Variants in NR2F6 observed in about 807,000 individuals in gnomAD.
NR2F6 encodes the protein ERBA-related gene-2.
In NR2F6, 16 loss-of-function variants were observed where a neutral mutation model predicts 26.5. That is an observed-to-expected ratio of 0.60 (90% CI 0.41 to 0.92). NR2F6 has a LOEUF of 0.92. Among genes scored for constraint, NR2F6 ranks in the 40% least tolerant of loss-of-function variants. The pLI is 0.00. For synonymous variants in NR2F6, 325 were observed against 305.0 expected (o/e 1.07, Z -0.68); for missense variants, 536 against 631.7 (o/e 0.85, Z 1.62).
chr19:17,235,630 A>G lies in NR2F6; in HGVS notation c.809T>C (p.Met270Thr). ...GAAAGCCACGGCGCGCTCGGCGGCC[A>G]TAGGCGCGGCGTGGAGGCCGGCGGC... ...LAAAGLHAAP[M>T]AAERAVAFMD... The change falls in exon 3 of 4, where the codon ATG becomes ACG. Residue 270 changes from methionine to threonine, a missense_variant. By Grantham distance (81) the Met-to-Thr change is moderately conservative (BLOSUM62 -1). Transcript: ENST00000291442. This position sits in a 1 kb window ranked among gnomAD's most constrained non-coding sequence, Gnocchi z 5.0. 6.5e-7 allele frequency: 1 copy of G among 1,544,596 alleles called. No homozygotes were observed.
At chr19:17,237,538 A>T (rs879452514) in intron 2 of NR2F6, among the ~76,000 whole-genome samples, 1 of 151,944 alleles carries the variant, frequency 6.6e-6, no homozygotes, top group Non-Finnish European at 1.5e-5. Flanking sequence ...CAGCCTCCCG[A>T]GTAGCTGGGA....
chr19:17,235,679 G>A lies in NR2F6; in HGVS notation c.760C>T (p.Leu254=). Residue 254 remains leucine (L), a synonymous_variant, in exon 3 of 4, where the codon CTG becomes TTG. Coordinates refer to ENST00000291442, the MANE Select transcript of NR2F6 (RefSeq NM_005234.4). The surrounding 1 kb of genome is among the most constrained non-coding windows in gnomAD (Gnocchi z 5.0). ...GCGGCCAGTAGCGGCGCCGTGTGCAGGGGCAGCGCCGCCTGCGCCGCGTTC... is the reference window on the plus strand; with the variant it reads ...GCGGCCAGTAGCGGCGCCGTGTGCAAGGGCAGCGCCGCCTGCGCCGCGTTC... ...VLNAAQAALP[L]HTAPLLAAAG... 6.7e-7 allele frequency: 1 copy of A among 1,490,460 alleles called. No individual in the cohort carries two copies. Among genetic ancestry groups the A allele is most frequent in the East Asian group, 2.7e-5 (1 of 37,204 alleles). 92.3% of individuals were successfully genotyped at this position (1,490,460 alleles called of 1,614,324 possible). A position where few individuals can be genotyped will look rare whatever the true frequency, so the allele number is the denominator to read the frequency against.
In NR2F6 at chr19:17,245,285, C is replaced by T. The variant is rs2073492347; in HGVS notation, c.-65G>A. 3.2e-5 allele frequency: 38 copies of T among 1,184,424 alleles called. No homozygotes were observed. The highest frequency in any genetic ancestry group is 3.8e-5 in the Non-Finnish European group (36 of 956,338). 73.4% of individuals were successfully genotyped at this position (1,184,424 alleles called of 1,614,324 possible). ...CTTCCCTCCGGGCACCCCTCTCGGC[C>T]CGGGGGACCCTACGCGGCGCGCATT... On this transcript the variant is annotated 5_prime_UTR_variant, in exon 1 of 4. Transcript: ENST00000291442. The surrounding 1 kb of genome is among the most constrained non-coding windows in gnomAD (Gnocchi z 5.0).
At chr19:17,233,775 G>T (rs949513839) in intron 3 of NR2F6, among the ~76,000 whole-genome samples, 1 of 151,902 alleles carries the variant, frequency 6.6e-6, no homozygotes, top group African/African-American at 2.4e-5. Context: ...GGATTACAGG[G>T]CCACCAGCCA....
At chr19:17,237,652 T>C (rs2073447035) in intron 2 of NR2F6, among the ~76,000 whole-genome samples, 1 of 152,064 alleles carries the variant, frequency 6.6e-6, no homozygotes, top group Admixed American at 6.6e-5. Flanking sequence ...CCTCGTGATC[T>C]GCCCACCTCG....
In NR2F6 at chr19:17,235,587, G is replaced by T; in HGVS notation, c.852C>A (p.Ala284=). ...CCAGCTTGTCCACCTGCTCCTGGAA[G>T]GCGCGCACCTGGTCCATGAAAGCCA... ...RAVAFMDQVR[A]FQEQVDKLGR... The change falls in exon 3 of 4, where the codon GCC becomes GCA. Residue 284 remains alanine (A), a synonymous_variant. Coordinates refer to ENST00000291442, the MANE Select transcript of NR2F6 (RefSeq NM_005234.4). The surrounding 1 kb of genome is among the most constrained non-coding windows in gnomAD (Gnocchi z 5.0). 1 of 1,587,996 alleles carries T rather than the reference G, an allele frequency of 6.3e-7. No individual in the cohort carries two copies. The highest frequency in any genetic ancestry group is 8.5e-7 in the Non-Finnish European group (1 of 1,174,836).
At chr19:17,233,203 GCTC>G (rs1348319460) in intron 3 of NR2F6, among the ~76,000 whole-genome samples, 12 of 152,056 alleles carry the variant, frequency 7.9e-5, no homozygotes, top group African/African-American at 2.7e-4. Flanking sequence ...TGTAGTCCCA[GCTC>G]CTCAAGAGGC....
intron 3 of NR2F6, 148 bp from the exon 4 acceptor site, chr19:17,232,774 A>C: frequency 1.1e-6 from 1 of 934,160 alleles, no homozygotes; most frequent in Non-Finnish European, 1.5e-6. Context: ...GCACTTTGGG[A>C]GGCCAAGGCA....
chr19:17,235,438 C>T lies in NR2F6; in HGVS notation c.940+61G>A. On this transcript the variant is annotated intron_variant, in intron 3 of 3. Coordinates refer to ENST00000291442, the MANE Select transcript of NR2F6 (RefSeq NM_005234.4). This position sits in a 1 kb window ranked among gnomAD's most constrained non-coding sequence, Gnocchi z 5.0. Reference sequence around the variant, plus strand: ...GGGGCCGGAGTCTGGGTCCAGGCCGCCCTCCTCCTAACCTCCCTTGGGTCC... The same window carrying T: ...GGGGCCGGAGTCTGGGTCCAGGCCGTCCTCCTCCTAACCTCCCTTGGGTCC... 2.0e-6 allele frequency: 3 copies of T among 1,527,822 alleles called. No homozygotes were observed. The highest frequency in any genetic ancestry group is 2.6e-6 in the Non-Finnish European group (3 of 1,143,634). The allele number at this position is 1,527,822 out of a possible 1,614,324, so 94.6% of individuals were successfully genotyped here.
chr19:17,244,452 C>T (rs1260342387), intron 1 of NR2F6: 1 of 154,152 alleles, frequency 6.5e-6, no homozygotes, highest in Admixed American at 6.6e-5. Flanking sequence ...GCCACAGCGA[C>T]TTTGGAAGTG....
chr19:17,232,053 A>C lies in NR2F6; in HGVS notation c.*299T>G. The stretch of plus-strand genomic sequence containing the variant: ...CCATCATGCCAGGGAAGCCAACCCC[A>C]CCATCCCACAAGTTCATGCTAGGGG... On this transcript the variant is annotated 3_prime_UTR_variant, in exon 4 of 4. Transcript: ENST00000291442. 1 of 393,176 alleles carries C rather than the reference A, an allele frequency of 2.5e-6. No individual in the cohort carries two copies. The highest frequency in any genetic ancestry group is 5.4e-5 in the East Asian group (1 of 18,610). The allele number at this position is 393,176 out of a possible 1,614,324, so 24.4% of individuals were successfully genotyped here.
In NR2F6 at chr19:17,241,447, C is replaced by T. The variant is rs1349842602; in HGVS notation, c.279-682G>A. Among the ~76,000 whole-genome samples the T allele has an allele frequency of 3.9e-5, 6 of 152,236 alleles. No individual in the cohort carries two copies. The South Asian group carries it at 1.0e-3, about 26-fold the overall frequency. On this transcript the variant is annotated intron_variant, in intron 1 of 3. Transcript: ENST00000291442. ...TTCCTGGTCAGCCCTCAGTGAATGC[C>T]GTTGCCTCTTGCAGGGATGAGACAG...
intron 2 of NR2F6, among the ~76,000 whole-genome samples, chr19:17,238,979 T>C (rs1031965150): frequency 2.6e-5 from 4 of 152,020 alleles, no homozygotes; most frequent in African/African-American, 7.3e-5. Context: ...GGCGAGCGGA[T>C]CACCTGGGGT....
In NR2F6 at chr19:17,245,602, G is replaced by A. The variant is rs1191308250; in HGVS notation, c.-382C>T. 6.8e-6 allele frequency: 1 copy of A among 146,640 alleles called. No homozygotes were observed. Among genetic ancestry groups the A allele is most frequent in the Non-Finnish European group, 1.5e-5 (1 of 65,824 alleles). 9.1% of individuals were successfully genotyped at this position (146,640 alleles called of 1,614,324 possible). ...TGGCCTGGCCGCCGCTCGCCCGGGG[G>A]CTGCGGCCAACTCAGCGGGCCGCCA... On this transcript the variant is annotated 5_prime_UTR_variant, in exon 1 of 4. Transcript: ENST00000291442. The surrounding 1 kb of genome is among the most constrained non-coding windows in gnomAD (Gnocchi z 5.0).
At chr19:17,234,126 G>A (rs1251211901) in intron 3 of NR2F6, among the ~76,000 whole-genome samples, 3 of 151,866 alleles carry the variant, frequency 2.0e-5, no homozygotes, top group African/African-American at 4.8e-5. Flanking sequence ...AGGAGGCTGA[G>A]GCAGGAGAAT....
In NR2F6 at chr19:17,245,292, A is replaced by C; in HGVS notation, c.-72T>G. The C allele has an allele frequency of 8.6e-7, 1 of 1,166,890 alleles. No individual in the cohort carries two copies. Among genetic ancestry groups the C allele is most frequent in the Non-Finnish European group, 1.1e-6 (1 of 943,750 alleles). 72.3% of individuals were successfully genotyped at this position (1,166,890 alleles called of 1,614,324 possible). The stretch of plus-strand genomic sequence containing the variant: ...CCGGGCACCCCTCTCGGCCCGGGGG[A>C]CCCTACGCGGCGCGCATTCGGCCCC... On this transcript the variant is annotated 5_prime_UTR_variant, in exon 1 of 4. Coordinates refer to ENST00000291442, the MANE Select transcript of NR2F6 (RefSeq NM_005234.4). The surrounding 1 kb of genome is among the most constrained non-coding windows in gnomAD (Gnocchi z 5.0).
In NR2F6 at chr19:17,245,295, C is replaced by G; in HGVS notation, c.-75G>C. ...GGCACCCCTCTCGGCCCGGGGGACC[C>G]TACGCGGCGCGCATTCGGCCCCGGC... On this transcript the variant is annotated 5_prime_UTR_variant, in exon 1 of 4. The change abolishes the stop of an existing upstream ORF in the 5' untranslated region. Transcript: ENST00000291442. The surrounding 1 kb of genome is among the most constrained non-coding windows in gnomAD (Gnocchi z 5.0). 8.6e-7 allele frequency: 1 copy of G among 1,163,316 alleles called. No individual in the cohort carries two copies. Among genetic ancestry groups the G allele is most frequent in the Non-Finnish European group, 1.1e-6 (1 of 939,780 alleles). The allele number at this position is 1,163,316 out of a possible 1,614,324, so 72.1% of individuals were successfully genotyped here.
In NR2F6 at chr19:17,245,824, C is replaced by A; in HGVS notation, c.-604G>T. The A allele has an allele frequency of 6.8e-6, 1 of 146,566 alleles. No homozygotes were observed. The highest frequency in any genetic ancestry group is 2.1e-4 in the South Asian group (1 of 4,856). The allele number at this position is 146,566 out of a possible 1,614,324, so 9.1% of individuals were successfully genotyped here. A position where few individuals can be genotyped will look rare whatever the true frequency, so the allele number is the denominator to read the frequency against. ...AGCTGCCGCCCCCGCTGCGGCCGCTCCTGCCTGGCCTGGGCCTGCGCCTGG... is the reference window on the plus strand; with the variant it reads ...AGCTGCCGCCCCCGCTGCGGCCGCTACTGCCTGGCCTGGGCCTGCGCCTGG... On this transcript the variant is annotated 5_prime_UTR_variant, in exon 1 of 4. Transcript: ENST00000291442. The surrounding 1 kb of genome is among the most constrained non-coding windows in gnomAD (Gnocchi z 5.0).
At chr19:17,233,172 T>C (rs1333525264) in intron 3 of NR2F6, among the ~76,000 whole-genome samples, 8 of 151,726 alleles carry the variant, frequency 5.3e-5, no homozygotes, top group Non-Finnish European at 8.8e-5. Context: ...TAAAAATTAG[T>C]CCAGTGTGAT....
Sources: gnomAD v4.1 joint callset for allele counts (sites outside exome capture counted in the v4.1 genomes callset) on GRCh38, gnomAD v4.1.1 for gene constraint, Gnocchi (gnomAD v3.1) non-coding constraint, MANE v1.5 for transcripts, NCBI Gene and HGNC (gene_info 2026-07-23, HGNC 2026-07-21) for gene names.